Variants in ATP11B observed in about 807,000 individuals in gnomAD.
ATP11B encodes the protein phospholipid-transporting ATPase IF.
A neutral mutation model predicts 157.8 loss-of-function variants in ATP11B; 81 were observed. The ratio of observed to expected loss-of-function variants is 0.51; its 90% confidence interval spans 0.43 to 0.62. ATP11B has a LOEUF of 0.62. Ranked by LOEUF, ATP11B falls within the 20% of genes least tolerant of loss-of-function variation. The pLI, the probability that ATP11B is intolerant of heterozygous loss-of-function variation, is 0.00. For missense variants in ATP11B, 1,165 were observed against 1,402.2 expected (o/e 0.83, Z 2.70); for synonymous variants, 451 against 469.4 (o/e 0.96, Z 0.51).
chr3:182,859,411 C>G (rs1301622262), intron 12 of ATP11B, 52 bp downstream of exon 12: 1 of 1,421,572 alleles, frequency 7.0e-7, no homozygotes, highest in South Asian at 1.4e-5. Context: ...TTTATCAAAG[C>G]AATACATGGA....
Position 182,837,166 on chromosome 3 carries a change from C to T in ATP11B, c.648C>T (p.Asp216=). ...AVIECQQPEA[D]LYRFMGRMII... Reference sequence around the variant, plus strand: ...TAGAATGCCAGCAACCAGAAGCAGACTTATACAGGTATGGTGTGATATTCA... The same window carrying T: ...TAGAATGCCAGCAACCAGAAGCAGATTTATACAGGTATGGTGTGATATTCA... The change falls in exon 7 of 30, where the codon GAC becomes GAT. Residue 216 remains aspartate (D), a synonymous_variant. Coordinates refer to ENST00000323116, the MANE Select transcript of ATP11B (RefSeq NM_014616.3). The T allele has an allele frequency of 6.2e-7, 1 of 1,605,634 alleles. No homozygotes were observed. Among genetic ancestry groups the T allele is most frequent in the Non-Finnish European group, 8.5e-7 (1 of 1,172,692 alleles).
At chr3:182,809,395 T>C (rs1716517512) in intron 1 of ATP11B, among the ~76,000 whole-genome samples, 1 of 152,022 alleles carries the variant, frequency 6.6e-6, no homozygotes, top group African/African-American at 2.4e-5. Flanking sequence ...ACTACAGGCA[T>C]GCTCCACCAC....
intron 3 of ATP11B, among the ~76,000 whole-genome samples, chr3:182,829,076 T>C (rs1292428964): frequency 6.6e-6 from 1 of 152,208 alleles, no homozygotes; most frequent in Non-Finnish European, 1.5e-5. Context: ...CCATAGACCG[T>C]TCGCTTGGCT....
At chr3:182,916,033 C>A (rs918392819) in intron 29 of ATP11B, 1 of 984,802 alleles carries the variant, frequency 1.0e-6, no homozygotes, top group Admixed American at 6.2e-5. Context: ...CAGACCTGTT[C>A]ATTCTTTTCT....
Position 182,859,333 on chromosome 3 carries a change from T to TC in ATP11B, c.1176dup (p.Asp393ArgfsTer4). The TC allele has an allele frequency of 6.2e-7, 1 of 1,605,344 alleles. No individual in the cohort carries two copies. The stretch of plus-strand genomic sequence containing the variant: ...AGATCAGAAAGCTCAAGTCAATACT[T>TC]CCGATCTGAATGAAGAGCTTGGACA... On this transcript the variant is annotated frameshift_variant, in exon 12 of 30. Transcript: ENST00000323116. LOFTEE classifies it high-confidence loss of function.
At chr3:182,804,135 A>C (rs1057484337) in intron 1 of ATP11B, among the ~76,000 whole-genome samples, 4 of 152,096 alleles carry the variant, frequency 2.6e-5, no homozygotes, top group African/African-American at 9.7e-5. Flanking sequence ...TGATGATTAT[A>C]AGCTATGGAT....
chr3:182,869,116 G>A lies in ATP11B; in HGVS notation c.1727G>A (p.Arg576His). Reference sequence around the variant, plus strand: ...CATATTCTGGAATTTGATTCAGATCGTAGGAGAATGAGTGTAATTGTTCAG... The same window carrying A: ...CATATTCTGGAATTTGATTCAGATCATAGGAGAATGAGTGTAATTGTTCAG... ...LLHILEFDSD[R>H]RRMSVIVQAP... The change falls in exon 16 of 30, where the codon CGT becomes CAT. Residue 576 changes from arginine (R) to histidine (H), a missense_variant. By Grantham distance (29) the Arg-to-His change is conservative (BLOSUM62 0). Transcript: ENST00000323116. 7 of 1,611,268 alleles carry A rather than the reference G, an allele frequency of 4.3e-6. No homozygotes were observed. Among genetic ancestry groups the A allele is most frequent in the African/African-American group, 1.3e-5 (1 of 74,926 alleles).
At chr3:182,904,923 A>C (rs1724236566) in intron 28 of ATP11B, among the ~76,000 whole-genome samples, 1 of 151,584 alleles carries the variant, frequency 6.6e-6, no homozygotes, top group Non-Finnish European at 1.5e-5. Context: ...GGATTAATTC[A>C]AAACTTATTA....
intron 1 of ATP11B, 122 bp downstream of exon 1, chr3:182,793,908 C>A (rs987803062): frequency 1.8e-6 from 1 of 542,188 alleles, no homozygotes; most frequent in Non-Finnish European, 2.7e-6. Flanking sequence ...CCGGCTAGGC[C>A]GCAGCGGAGA....
intron 18 of ATP11B, 127 bp from the exon 19 acceptor site, chr3:182,873,685 A>G (rs1392467884): frequency 6.8e-6 from 5 of 739,890 alleles, no homozygotes; most frequent in East Asian, 2.7e-5. Context: ...ATATTGCTAT[A>G]TTGTATAATA....
intron 2 of ATP11B, among the ~76,000 whole-genome samples, chr3:182,825,950 T>C (rs1717692037): frequency 6.6e-6 from 1 of 152,144 alleles, no homozygotes; most frequent in African/African-American, 2.4e-5. Flanking sequence ...TTTATAGCCA[T>C]GTTTTAGTTT....
intron 25 of ATP11B, among the ~76,000 whole-genome samples, chr3:182,895,215 A>T (rs955540059): frequency 6.6e-6 from 1 of 151,946 alleles, no homozygotes; most frequent in Non-Finnish European, 1.5e-5. Flanking sequence ...CCCACTGATC[A>T]TCGGTATTTC....
chr3:182,809,409 T>C lies in ATP11B; in HGVS notation c.28-10851T>C, dbSNP rs953477808. ...GACTACAGGCATGCTCCACCACGCC[T>C]GGCTAATTTTTGTATTTTTAGTAGA... On this transcript the variant is annotated intron_variant, in intron 1 of 29. Transcript: ENST00000323116. Among the ~76,000 whole-genome samples, 18 of 152,146 alleles carry C rather than the reference T, an allele frequency of 1.2e-4. No individual in the cohort carries two copies. The East Asian group carries it at 3.1e-3, about 26-fold the overall frequency.
intron 4 of ATP11B, among the ~76,000 whole-genome samples, chr3:182,835,315 A>G (rs1188345572): frequency 2.0e-5 from 3 of 152,332 alleles, no homozygotes; most frequent in Non-Finnish European, 4.4e-5. Context: ...ACACAATCTC[A>G]GTTCCAAAAA....
chr3:182,856,656 G>A (rs1269205689), intron 10 of ATP11B, among the ~76,000 whole-genome samples: 1 of 152,126 alleles, frequency 6.6e-6, no homozygotes, highest in Non-Finnish European at 1.5e-5. Context: ...TGAATACTAT[G>A]CCTAATACAT....
chr3:182,912,327 A>G (rs888696637), intron 28 of ATP11B, among the ~76,000 whole-genome samples: 2 of 152,110 alleles, frequency 1.3e-5, no homozygotes, highest in Non-Finnish European at 2.9e-5. Flanking sequence ...GAGAATTATG[A>G]TATCTCAGGC....
intron 1 of ATP11B, among the ~76,000 whole-genome samples, chr3:182,797,310 G>C (rs1339057620): frequency 6.6e-6 from 1 of 152,148 alleles, no homozygotes; most frequent in African/African-American, 2.4e-5. Context: ...CTGAAAAACA[G>C]ATCTATAAAA....
intron 12 of ATP11B, among the ~76,000 whole-genome samples, chr3:182,863,167 G>A (rs1277669184): frequency 2.0e-5 from 3 of 152,106 alleles, no homozygotes; most frequent in Non-Finnish European, 4.4e-5. Context: ...GCCTCCCAAA[G>A]TGCTGGGATT....
At chr3:182,873,568 T>C (rs1721819736) in intron 18 of ATP11B, among the ~76,000 whole-genome samples, 1 of 152,248 alleles carries the variant, frequency 6.6e-6, no homozygotes, top group African/African-American at 2.4e-5. Context: ...TGAAGATACA[T>C]TCTTAAAATA....
Sources: allele counts gnomAD v4.1 joint callset (sites outside exome capture counted in the v4.1 genomes callset), GRCh38; gene constraint gnomAD v4.1.1; transcripts MANE v1.5; gene names NCBI Gene and HGNC (gene_info 2026-07-23, HGNC 2026-07-21).